CELF2: variants seen among roughly 807,000 people sequenced by gnomAD.
CELF2 encodes CUG triplet repeat RNA-binding protein 2.
In CELF2, 8 loss-of-function variants were observed where a neutral mutation model predicts 62.6. The observed-to-expected ratio is 0.13, with a 90% CI of 0.07 to 0.23. The LOEUF (loss-of-function observed/expected upper bound fraction) is 0.23. Among genes scored for constraint, CELF2 ranks in the 10% least tolerant of loss-of-function variants. The pLI is 1.00. For missense variants in CELF2, 333 were observed against 671.0 expected (o/e 0.50, Z 5.56); for synonymous variants, 258 against 250.0 (o/e 1.03, Z -0.30).
the CELF2 span, among the ~76,000 whole-genome samples, chr10:10,734,838 C>G: frequency 6.6e-6 from 1 of 152,178 alleles, no homozygotes; most frequent in African/African-American, 2.4e-5. Context: ...AGTCCGGCAT[C>G]CTGATAAACC....
intron 3 of CELF2, among the ~76,000 whole-genome samples, chr10:11,241,906 G>GA (rs112510675): frequency 2.6e-5 from 4 of 152,234 alleles, no homozygotes; most frequent in African/African-American, 9.6e-5. Flanking sequence ...TTTTTTTAGA[G>GA]AAAAATTCAG....
At chr10:10,891,739 G>C (rs1591604047) in intron 1 of CELF2, among the ~76,000 whole-genome samples, 1 of 152,142 alleles carries the variant, frequency 6.6e-6, no homozygotes, top group African/African-American at 2.4e-5. Context: ...AGAGCTACAG[G>C]CCTCAAGGTC....
intron 2 of CELF2, among the ~76,000 whole-genome samples, chr10:11,210,647 CAG>C (rs1456462469): frequency 6.6e-6 from 1 of 152,220 alleles, no homozygotes; most frequent in African/African-American, 2.4e-5. Flanking sequence ...ACACCTTACA[CAG>C]GGGAGTTTCT....
At chr10:10,556,426 C>A in the CELF2 span, among the ~76,000 whole-genome samples, 1 of 152,168 alleles carries the variant, frequency 6.6e-6, no homozygotes, top group Non-Finnish European at 1.5e-5. Flanking sequence ...TTAATCCAGT[C>A]TATCATTCTT....
chr10:11,062,265 G>T (rs1409294193), intron 1 of CELF2, among the ~76,000 whole-genome samples: 1 of 152,234 alleles, frequency 6.6e-6, no homozygotes, highest in Non-Finnish European at 1.5e-5. Flanking sequence ...GCCTGCTAAT[G>T]CAGCATTCAT....
chr10:11,151,999 G>T (rs926414824), intron 1 of CELF2, among the ~76,000 whole-genome samples: 1 of 152,130 alleles, frequency 6.6e-6, no homozygotes, highest in African/African-American at 2.4e-5. Context: ...TGCTGTTCAG[G>T]GAACAAGAAT....
the CELF2 span, among the ~76,000 whole-genome samples, chr10:10,758,512 A>G: frequency 1.3e-5 from 2 of 152,224 alleles, no homozygotes; most frequent in Non-Finnish European, 2.9e-5. Context: ...TGATGCTGCT[A>G]GGCAAAACGC....
the CELF2 span, among the ~76,000 whole-genome samples, chr10:10,463,851 T>A: frequency 6.6e-6 from 1 of 152,220 alleles, no homozygotes; most frequent in Non-Finnish European, 1.5e-5. Flanking sequence ...GTGTAGTTTT[T>A]ATTTTTTTAT....
At chr10:10,663,171 C>T in the CELF2 span, among the ~76,000 whole-genome samples, 5 of 152,208 alleles carry the variant, frequency 3.3e-5, no homozygotes, top group Non-Finnish European at 7.3e-5. Flanking sequence ...AAGCGTGCAG[C>T]AGCTGCTGTG....
At chr10:11,015,643 A>G (rs12774876), upstream of CELF2, among the ~76,000 whole-genome samples, 15,279 of 152,244 alleles carry the variant, frequency 0.1, 1,507 homozygotes, top group African/African-American at 0.26. The surrounding 1 kb of genome is among the most constrained non-coding windows in gnomAD (Gnocchi z 4.8). Context: ...TTTGAAAACT[A>G]TGTTACACAG....
At chr10:10,695,672 A>G in the CELF2 span, among the ~76,000 whole-genome samples, 2 of 152,082 alleles carry the variant, frequency 1.3e-5, no homozygotes, top group African/African-American at 2.4e-5. Flanking sequence ...GTCTTTTCAC[A>G]TAGTCCCATA....
At chr10:11,222,719 T>C (rs886777137) in intron 3 of CELF2, among the ~76,000 whole-genome samples, 1 of 152,244 alleles carries the variant, frequency 6.6e-6, no homozygotes, top group Non-Finnish European at 1.5e-5. Flanking sequence ...AGCTCTTACA[T>C]AGTGAATGCC....
chr10:10,986,647 G>A (rs1266587003), intron 2 of CELF2, among the ~76,000 whole-genome samples: 1 of 152,164 alleles, frequency 6.6e-6, no homozygotes, highest in Admixed American at 6.6e-5. Flanking sequence ...GCTTAGTGAT[G>A]TTTTGAAAAT....
At chr10:10,627,399 G>A in the CELF2 span, among the ~76,000 whole-genome samples, 4 of 152,212 alleles carry the variant, frequency 2.6e-5, no homozygotes, top group Admixed American at 2.0e-4. Context: ...GCTTCCTGGA[G>A]TCCTTCTGTA....
At chr10:10,575,465 T>C in the CELF2 span, among the ~76,000 whole-genome samples, 1 of 152,218 alleles carries the variant, frequency 6.6e-6, no homozygotes. Context: ...GCAAAATACC[T>C]AATCCAGACA....
At chr10:10,933,476 A>G (rs1194174487) in intron 2 of CELF2, among the ~76,000 whole-genome samples, 2 of 152,196 alleles carry the variant, frequency 1.3e-5, no homozygotes. Flanking sequence ...TGAAATATAT[A>G]ACATTTTATA....
chr10:10,516,116 A>T, the CELF2 span, among the ~76,000 whole-genome samples: 1 of 152,244 alleles, frequency 6.6e-6, no homozygotes, highest in Non-Finnish European at 1.5e-5. Context: ...GAAAAAGTTA[A>T]CTTGTTGAAA....
chr10:10,644,751 T>TC, the CELF2 span, among the ~76,000 whole-genome samples: 1 of 152,002 alleles, frequency 6.6e-6, no homozygotes, highest in Non-Finnish European at 1.5e-5. Flanking sequence ...CTAAAGTATC[T>TC]CCCCCCACGT....
intron 1 of CELF2, among the ~76,000 whole-genome samples, chr10:10,890,058 G>GT (rs1295575177): frequency 6.6e-6 from 1 of 152,172 alleles, no homozygotes; most frequent in Admixed American, 6.5e-5. Context: ...ATGAGGAGGG[G>GT]TTTTTTTCCC....
Sources: allele counts gnomAD v4.1 joint callset (sites outside exome capture counted in the v4.1 genomes callset), GRCh38; gene constraint gnomAD v4.1.1; non-coding constraint Gnocchi (gnomAD v3.1); transcripts MANE v1.5; gene names NCBI Gene and HGNC (gene_info 2026-07-23, HGNC 2026-07-21).